RMST: variants seen among roughly 807,000 people sequenced by gnomAD.
The protein encoded by RMST is long intergenic non-protein coding RNA 54.
chr12:97,511,967 G>A (rs973217038), intron 10 of RMST, among the ~76,000 whole-genome samples: 1 of 152,220 alleles, frequency 6.6e-6, no homozygotes, highest in Non-Finnish European at 1.5e-5. Flanking sequence ...TGAGTTCTTA[G>A]TCTCACTTCA....
intron 11 of RMST, among the ~76,000 whole-genome samples, chr12:97,546,085 C>T (rs1181030283): frequency 6.6e-6 from 1 of 152,042 alleles, no homozygotes; most frequent in Non-Finnish European, 1.5e-5. Context: ...GGAGATACGC[C>T]TCAATCATTA....
intron 10 of RMST, among the ~76,000 whole-genome samples, chr12:97,513,147 G>A (rs1259711342): frequency 2.0e-5 from 3 of 152,202 alleles, no homozygotes; most frequent in South Asian, 2.1e-4. Context: ...AAGCTGAGGG[G>A]GCCGGCTCTG....
intron 10 of RMST, among the ~76,000 whole-genome samples, chr12:97,510,661 A>G (rs898952305): frequency 1.3e-5 from 2 of 152,236 alleles, no homozygotes; most frequent in African/African-American, 2.4e-5. Flanking sequence ...AAGTTGCCAT[A>G]ATCTTTGATC....
At chr12:97,524,740 G>GA (rs1880916609) in intron 10 of RMST, among the ~76,000 whole-genome samples, 1 of 152,180 alleles carries the variant, frequency 6.6e-6, no homozygotes, top group Non-Finnish European at 1.5e-5. Context: ...GTGACTGGGA[G>GA]CTGAACTTTT....
intron 10 of RMST, among the ~76,000 whole-genome samples, chr12:97,504,794 A>G (rs79601830): frequency 6.6e-6 from 1 of 152,130 alleles, no homozygotes; most frequent in Non-Finnish European, 1.5e-5. Flanking sequence ...TCAGACTTCA[A>G]TTTGTTTTAT....
chr12:97,487,501 A>G (rs1215435930), intron 5 of RMST, among the ~76,000 whole-genome samples: 1 of 152,194 alleles, frequency 6.6e-6, no homozygotes, highest in Non-Finnish European at 1.5e-5. Context: ...GAATTTTGTA[A>G]TTTGTTCAGA....
chr12:97,505,231 A>G (rs560770252), intron 10 of RMST, among the ~76,000 whole-genome samples: 1 of 152,374 alleles, frequency 6.6e-6, no homozygotes, highest in Admixed American at 6.5e-5. Flanking sequence ...TAGTTAACTC[A>G]CTATGCTTAC....
chr12:97,545,729 TA>T lies in RMST; in HGVS notation n.1546-14807del, dbSNP rs761358165. On this transcript the variant is annotated intron_variant and non_coding_transcript_variant, in intron 11 of 13. Coordinates refer to ENST00000640149, the Ensembl canonical transcript of RMST. ...GACTATAAAATTTCAAGGGCAGAAATATGGCAGGTTATGGGATTGGATGAGG... is the reference window on the plus strand; with the variant it reads ...GACTATAAAATTTCAAGGGCAGAAATTGGCAGGTTATGGGATTGGATGAGG... 8.5e-5 allele frequency among the ~76,000 whole-genome samples: 13 copies of T among 152,166 alleles called. No homozygotes were observed. In the East Asian group the frequency reaches 2.3e-3, roughly 27 times the overall value.
intron 10 of RMST, among the ~76,000 whole-genome samples, chr12:97,527,897 GA>G (rs757298188): frequency 1.3e-5 from 2 of 151,590 alleles, no homozygotes; most frequent in East Asian, 3.9e-4. Context: ...ATATTTCACA[GA>G]AAAAAAATAA....
chr12:97,488,579 G>A (rs1876391052), intron 5 of RMST, among the ~76,000 whole-genome samples: 1 of 152,142 alleles, frequency 6.6e-6, no homozygotes, highest in Non-Finnish European at 1.5e-5. Context: ...GGACCAGCAA[G>A]CGGCTCTCAA....
intron 5 of RMST, among the ~76,000 whole-genome samples, chr12:97,479,433 G>C (rs564637900): frequency 2.6e-5 from 4 of 152,048 alleles, no homozygotes; most frequent in Non-Finnish European, 4.4e-5. Flanking sequence ...GATTATAGGC[G>C]TGAGCCACAA....
At chr12:97,476,003 G>A (rs1160699187) in intron 5 of RMST, among the ~76,000 whole-genome samples, 1 of 152,112 alleles carries the variant, frequency 6.6e-6, no homozygotes, top group Non-Finnish European at 1.5e-5. Flanking sequence ...TATGCTATGA[G>A]AGCTGCTTTA....
intron 10 of RMST, among the ~76,000 whole-genome samples, chr12:97,527,952 T>C (rs1034473150): frequency 8.6e-5 from 13 of 151,924 alleles, no homozygotes; most frequent in African/African-American, 3.2e-4. Flanking sequence ...ATGATGGTTA[T>C]AATAAAAAAT....
At chr12:97,543,824 G>A (rs999490792) in intron 11 of RMST, among the ~76,000 whole-genome samples, 4 of 151,958 alleles carry the variant, frequency 2.6e-5, no homozygotes, top group African/African-American at 9.7e-5. Context: ...TTGTTAAAAT[G>A]TGGCTTCTGG....
chr12:97,517,234 CAGAA>C (rs1880029082), intron 10 of RMST, among the ~76,000 whole-genome samples: 1 of 151,940 alleles, frequency 6.6e-6, no homozygotes, highest in South Asian at 2.1e-4. Context: ...ATTAATCAAA[CAGAA>C]AGGAAGCCAG....
intron 11 of RMST, chr12:97,551,742 C>G (rs1184313126): frequency 6.6e-6 from 1 of 152,084 alleles, no homozygotes; most frequent in African/African-American, 2.4e-5. Flanking sequence ...TCATATCACC[C>G]ACGAGGGAGG....
intron 10 of RMST, among the ~76,000 whole-genome samples, chr12:97,519,191 G>A (rs2136543623): frequency 6.6e-6 from 1 of 152,298 alleles, no homozygotes; most frequent in South Asian, 2.1e-4. Flanking sequence ...GTTACTTACA[G>A]CTCATGTATA....
At chr12:97,564,031 C>T (rs892128670) in intron 13 of RMST, 3 of 354,444 alleles carry the variant, frequency 8.5e-6, no homozygotes, top group African/African-American at 6.4e-5. Context: ...GTTTCTTTAT[C>T]CTTAGATTTG....
At chr12:97,555,016 C>T (rs1302060397) in intron 11 of RMST, among the ~76,000 whole-genome samples, 1 of 152,088 alleles carries the variant, frequency 6.6e-6, no homozygotes, top group Non-Finnish European at 1.5e-5. Flanking sequence ...TTTGTCTCTA[C>T]AGCATATGGC....
Sources: gnomAD v4.1 joint callset for allele counts (sites outside exome capture counted in the v4.1 genomes callset) on GRCh38, gnomAD v4.1.1 for gene constraint, MANE v1.5 for transcripts, NCBI Gene and HGNC (gene_info 2026-07-23, HGNC 2026-07-21) for gene names.